Variants in SOX5 observed in about 807,000 individuals in gnomAD.
The protein encoded by SOX5 is SRY-box transcription factor 5, also known as transcription factor SOX-5.
In SOX5, 9 loss-of-function variants were observed where a neutral mutation model predicts 92.0. That is an observed-to-expected ratio of 0.10 (90% CI 0.06 to 0.17). SOX5 has a LOEUF of 0.17. Among genes scored for constraint, SOX5 ranks in the 10% least tolerant of loss-of-function variants. SOX5 has a pLI of 1.00. For missense variants in SOX5, 642 were observed against 944.5 expected (o/e 0.68, Z 4.20); for synonymous variants, 344 against 336.3 (o/e 1.02, Z -0.25).
intron 1 of SOX5, among the ~76,000 whole-genome samples, chr12:24,377,111 C>G (rs1957365050): frequency 6.6e-6 from 1 of 152,142 alleles, no homozygotes; most frequent in African/African-American, 2.4e-5. Flanking sequence ...TGACTGAAAA[C>G]CAATATGCCA....
At position 23,845,928 on chromosome 12, in the gene SOX5, C is replaced by G. The variant is rs1057376587; in HGVS notation, c.481+55G>C. The stretch of plus-strand genomic sequence containing the variant: ...AAAAAACAAATCAAGAAATTAAAAT[C>G]AAAGTATTAAAATCAGGACACAGCA... On this transcript the variant is annotated intron_variant, in intron 3 of 14. Coordinates refer to ENST00000451604, the MANE Select transcript of SOX5 (RefSeq NM_006940.6). 5 of 1,359,966 alleles carry G rather than the reference C, an allele frequency of 3.7e-6. No individual in the cohort carries two copies. The African/African-American group carries it at 5.7e-5, about 16-fold the overall frequency. The allele number at this position is 1,359,966 out of a possible 1,614,324, so 84.2% of individuals were successfully genotyped here.
intron 2 of SOX5, among the ~76,000 whole-genome samples, chr12:24,288,123 AT>A (rs752351009): frequency 1.3e-5 from 2 of 152,174 alleles, no homozygotes; most frequent in Non-Finnish European, 2.9e-5. Context: ...ACTGAGGGTG[AT>A]TATGTCCCTG....
chr12:24,310,082 C>A (rs993766946), intron 2 of SOX5, among the ~76,000 whole-genome samples: 10 of 152,038 alleles, frequency 6.6e-5, no homozygotes, highest in Admixed American at 6.6e-4. Flanking sequence ...ATCATATCTG[C>A]GTGAGGATGT....
intron 3 of SOX5, among the ~76,000 whole-genome samples, chr12:23,824,562 G>C (rs1035518381): frequency 6.6e-6 from 1 of 152,192 alleles, no homozygotes; most frequent in Non-Finnish European, 1.5e-5. Flanking sequence ...CTGCTGGGAC[G>C]TGTCTCCCCG....
chr12:24,472,623 A>T (rs940714222), intron 1 of SOX5, among the ~76,000 whole-genome samples: 2 of 152,180 alleles, frequency 1.3e-5, no homozygotes, highest in African/African-American at 2.4e-5. Context: ...CATAGACTCT[A>T]TTTTGATTTA....
At chr12:23,613,160 T>C (rs894830517) in intron 8 of SOX5, among the ~76,000 whole-genome samples, 16 of 152,154 alleles carry the variant, frequency 1.1e-4, no homozygotes, top group African/African-American at 3.1e-4. Context: ...GAAGTACAGA[T>C]AGGAACTCAC....
At chr12:23,996,030 T>C (rs1951000164) in intron 4 of SOX5, among the ~76,000 whole-genome samples, 1 of 152,214 alleles carries the variant, frequency 6.6e-6, no homozygotes. Context: ...TTAGAATGAC[T>C]CATTTAATAA....
At chr12:24,051,067 T>C (rs532306919) in intron 4 of SOX5, among the ~76,000 whole-genome samples, 2 of 152,258 alleles carry the variant, frequency 1.3e-5, no homozygotes, top group Admixed American at 6.5e-5. Flanking sequence ...ACTATAATGT[T>C]CTTTAGGATA....
chr12:24,023,022 T>C (rs890686273), intron 4 of SOX5, among the ~76,000 whole-genome samples: 9 of 152,064 alleles, frequency 5.9e-5, no homozygotes, highest in Admixed American at 5.9e-4. Flanking sequence ...CCTCCCGAGA[T>C]ATTCAAAGGT....
At chr12:23,836,824 G>A (rs994441659) in intron 3 of SOX5, among the ~76,000 whole-genome samples, 2 of 151,832 alleles carry the variant, frequency 1.3e-5, no homozygotes, top group African/African-American at 2.4e-5. Flanking sequence ...GGGAAGAAAA[G>A]ATTTTTCTGT....
At chr12:23,896,061 C>G (rs1341231309) in intron 1 of SOX5, 37 bp from the exon 2 acceptor site, 4 of 1,379,014 alleles carry the variant, frequency 2.9e-6, no homozygotes, top group Non-Finnish European at 3.1e-6. Context: ...AATGAAACCT[C>G]CACATAAATC....
intron 2 of SOX5, among the ~76,000 whole-genome samples, chr12:23,891,217 A>G (rs978990480): frequency 6.6e-6 from 1 of 152,204 alleles, no homozygotes; most frequent in Non-Finnish European, 1.5e-5. Context: ...GCTGTTTGTA[A>G]GTCGCTCTTA....
chr12:23,784,094 A>G (rs2095333675), intron 3 of SOX5, among the ~76,000 whole-genome samples: 1 of 152,212 alleles, frequency 6.6e-6, no homozygotes, highest in Non-Finnish European at 1.5e-5. Context: ...AGTATATTTA[A>G]TGCAATATTA....
chr12:24,105,668 A>C (rs568008234), intron 4 of SOX5, among the ~76,000 whole-genome samples: 1 of 152,348 alleles, frequency 6.6e-6, no homozygotes, highest in South Asian at 2.1e-4. Context: ...ATTACATAAC[A>C]TATGTAGTTG....
intron 7 of SOX5, among the ~76,000 whole-genome samples, chr12:23,644,372 G>T (rs939153191): frequency 7.2e-5 from 11 of 152,212 alleles, no homozygotes; most frequent in African/African-American, 2.7e-4. Flanking sequence ...GAGGTACCCA[G>T]CATGGCTGTG....
intron 3 of SOX5, among the ~76,000 whole-genome samples, chr12:24,271,028 A>C (rs1293465863): frequency 6.6e-6 from 1 of 152,226 alleles, no homozygotes; most frequent in East Asian, 1.9e-4. Context: ...TAGGATATTT[A>C]TCTCTAGGAA....
chr12:24,212,474 G>C (rs755656192), intron 4 of SOX5: 2 of 534,202 alleles, frequency 3.7e-6, no homozygotes, highest in African/African-American at 3.8e-5. Flanking sequence ...CACTCCAGGG[G>C]AGCTGTGGAA....
intron 4 of SOX5, among the ~76,000 whole-genome samples, chr12:24,083,659 C>T (rs1224264077): frequency 6.6e-6 from 1 of 151,936 alleles, no homozygotes; most frequent in African/African-American, 2.4e-5. Context: ...TGAAAAGCAT[C>T]GTGCTAAATT....
At chr12:24,368,115 CTGA>C (rs1365318650) in intron 2 of SOX5, 7 of 152,086 alleles carry the variant, frequency 4.6e-5, no homozygotes, top group African/African-American at 1.7e-4. Context: ...ATTGGAGGAA[CTGA>C]TGAAGTAGGA....
Sources: gnomAD v4.1 joint callset for allele counts (sites outside exome capture counted in the v4.1 genomes callset) on GRCh38, gnomAD v4.1.1 for gene constraint, MANE v1.5 for transcripts, NCBI Gene and HGNC (gene_info 2026-07-23, HGNC 2026-07-21) for gene names.